Variants in EXOG observed in about 807,000 individuals in gnomAD.
EXOG encodes nuclease EXOG, mitochondrial.
A neutral mutation model predicts 25.8 loss-of-function variants in EXOG; 27 were observed. The observed-to-expected ratio is 1.05, with a 90% CI of 0.77 to 1.45. The LOEUF is 1.45. Ranked by LOEUF, EXOG falls within the 40% of genes most tolerant of loss-of-function variation. EXOG has a pLI of 0.00. For synonymous variants in EXOG, 133 were observed against 167.0 expected (o/e 0.80, Z 1.57); for missense variants, 458 against 450.5 (o/e 1.02, Z -0.15).
At chr3:38,512,095 C>G (rs984994472) in intron 5 of EXOG, among the ~76,000 whole-genome samples, 6 of 152,040 alleles carry the variant, frequency 3.9e-5, no homozygotes, top group African/African-American at 1.2e-4. Context: ...TAAGTCGATG[C>G]TTTTGAGTTC....
At chr3:38,510,290 G>A (rs1221461396) in intron 5 of EXOG, among the ~76,000 whole-genome samples, 1 of 152,154 alleles carries the variant, frequency 6.6e-6, no homozygotes, top group African/African-American at 2.4e-5. Flanking sequence ...CAAACAAAAT[G>A]TGTAGTATGA....
At chr3:38,504,479 G>A (rs1029437852) in intron 4 of EXOG, among the ~76,000 whole-genome samples, 6 of 151,788 alleles carry the variant, frequency 4.0e-5, no homozygotes, top group Admixed American at 6.6e-5. Context: ...ACTGTCGCCC[G>A]GGCTGGTGTG....
rs750967802 is a variant in EXOG, at chr3:38,497,582, GT to G, written c.164-39del. 3,894 of 1,486,994 alleles carry G rather than the reference GT, an allele frequency of 2.6e-3. 8 individuals carry two copies. The highest frequency in any genetic ancestry group is 3.1e-3 in the Non-Finnish European group (3,468 of 1,128,072). 92.1% of individuals were successfully genotyped at this position (1,486,994 alleles called of 1,614,324 possible). A position where few individuals can be genotyped will look rare whatever the true frequency, so the allele number is the denominator to read the frequency against. On this transcript the variant is annotated intron_variant, in intron 1 of 5. Coordinates refer to ENST00000287675, the MANE Select transcript of EXOG (RefSeq NM_005107.4). ...TAAGAGCCACTAATTGTGTGTGTGTGTTTTTTTTGTCTCTGCCCCCCCTTTT... is the reference window on the plus strand; with the variant it reads ...TAAGAGCCACTAATTGTGTGTGTGTGTTTTTTTGTCTCTGCCCCCCCTTTT...
At chr3:38,506,428 A>G (rs915838709) in intron 4 of EXOG, among the ~76,000 whole-genome samples, 3 of 152,228 alleles carry the variant, frequency 2.0e-5, no homozygotes, top group African/African-American at 2.4e-5. Context: ...AATTTATCCT[A>G]AGGAATTGAT....
In EXOG at chr3:38,525,175, A is replaced by C. The variant is rs976865043; in HGVS notation, c.*813A>C. 9 of 921,712 alleles carry C rather than the reference A, an allele frequency of 9.8e-6. No homozygotes were observed. Among genetic ancestry groups the C allele is most frequent in the Non-Finnish European group, 1.2e-5 (9 of 772,484 alleles). The allele number at this position is 921,712 out of a possible 1,614,324, so 57.1% of individuals were successfully genotyped here. ...CACAATGACTCTCTGAGGTAAATAC[A>C]CTATCCCCATTTTACCTGTGAGAAA... On this transcript the variant is annotated 3_prime_UTR_variant, in exon 6 of 6. Transcript: ENST00000287675.
intron 4 of EXOG, among the ~76,000 whole-genome samples, chr3:38,504,365 C>CAA (rs11452712): frequency 6.0e-5 from 9 of 149,582 alleles, no homozygotes; most frequent in Non-Finnish European, 7.4e-5. Context: ...GACCCTATCT[C>CAA]AAAAAAAAAA....
chr3:38,523,233 G>A (rs1429398541), intron 5 of EXOG: 10 of 1,288,794 alleles, frequency 7.8e-6, no homozygotes, highest in African/African-American at 1.5e-5. Context: ...CAGAAGTTCT[G>A]ATTATGAGAT....
intron 5 of EXOG, chr3:38,515,626 G>A (rs1026917611): frequency 1.2e-5 from 2 of 167,314 alleles, no homozygotes; most frequent in African/African-American, 2.4e-5. Context: ...GAACAGCTGC[G>A]CCCAGGGCTC....
chr3:38,515,457 G>T, intron 5 of EXOG: 2 of 162,000 alleles, frequency 1.2e-5, no homozygotes, highest in South Asian at 3.4e-4. Flanking sequence ...AAAAAGTTAT[G>T]ACCATCCCCT....
chr3:38,508,073 C>G (rs1575633180), intron 5 of EXOG, among the ~76,000 whole-genome samples: 1 of 151,974 alleles, frequency 6.6e-6, no homozygotes, highest in Non-Finnish European at 1.5e-5. Context: ...GGAGGTTGCA[C>G]TGAGCCGAGA....
intron 5 of EXOG, among the ~76,000 whole-genome samples, chr3:38,514,507 G>A (rs78645934): frequency 0.036 from 5,453 of 152,260 alleles, 356 homozygotes; most frequent in African/African-American, 0.12. Flanking sequence ...AGAAGATCCA[G>A]CGAAAGAGTC....
rs139206818 is a variant in EXOG at position 38,496,514 on chromosome 3, A to G, written c.147A>G (p.Thr49=). ...FRSQGAEGAL[T]GKQPDGSAEK... The stretch of plus-strand genomic sequence containing the variant: ...GTCAGGGCGCTGAGGGAGCGTTGAC[A>G]GGGAAGCAGCCGGATGGTAAGTCTG... Residue 49 remains threonine, a synonymous_variant, in exon 1 of 6, where the codon ACA becomes ACG. Coordinates refer to ENST00000287675, the MANE Select transcript of EXOG (RefSeq NM_005107.4). The G allele has an allele frequency of 1.6e-5, 26 of 1,612,386 alleles. No homozygotes were observed. In the African/African-American group the frequency reaches 2.3e-4, roughly 14 times the overall value.
Position 38,525,949 on chromosome 3 carries a change from A to C in EXOG, c.*1587A>C. On this transcript the variant is annotated 3_prime_UTR_variant, in exon 6 of 6. Coordinates refer to ENST00000287675, the MANE Select transcript of EXOG (RefSeq NM_005107.4). ...ACAGAGGGAGACCCTGTCTCAAAAA[A>C]AGAAAAGAAAAAAGAAAAAGGTCTG... 2.0e-6 allele frequency: 2 copies of C among 984,316 alleles called. No homozygotes were observed. 61.0% of individuals were successfully genotyped at this position (984,316 alleles called of 1,614,324 possible). A position where few individuals can be genotyped will look rare whatever the true frequency, so the allele number is the denominator to read the frequency against.
At chr3:38,521,520 A>C (rs1033266221) in intron 5 of EXOG, among the ~76,000 whole-genome samples, 1 of 152,242 alleles carries the variant, frequency 6.6e-6, no homozygotes, top group African/African-American at 2.4e-5. Context: ...CAAGGAGTCC[A>C]TGAGGAGAGA....
intron 1 of EXOG, chr3:38,496,987 C>A: frequency 9.4e-7 from 1 of 1,061,084 alleles, no homozygotes; most frequent in African/African-American, 1.7e-5. Flanking sequence ...GTTAACTGCC[C>A]TTCTTTCGTC....
At chr3:38,508,662 C>CT (rs2060273938) in intron 5 of EXOG, among the ~76,000 whole-genome samples, 1 of 150,446 alleles carries the variant, frequency 6.6e-6, no homozygotes, top group African/African-American at 2.5e-5. Context: ...TAAATGATTA[C>CT]TTAAGTCTGT....
At chr3:38,523,794 TG>T in intron 5 of EXOG, 106 bp from the exon 6 acceptor site, 1 of 692,182 alleles carries the variant, frequency 1.4e-6, no homozygotes, top group Non-Finnish European at 2.4e-6. Context: ...CAGAGTGGGA[TG>T]GCTTATAAGT....
intron 5 of EXOG, among the ~76,000 whole-genome samples, chr3:38,516,543 C>G (rs2060548795): frequency 2.0e-5 from 3 of 152,184 alleles, no homozygotes; most frequent in Admixed American, 2.0e-4. Flanking sequence ...GAGTTAGTTG[C>G]AGATATCTTG....
At position 38,525,856 on chromosome 3, in the gene EXOG, A is replaced by C. The variant is rs1467294046; in HGVS notation, c.*1494A>C. 1 of 478,762 alleles carries C rather than the reference A, an allele frequency of 2.1e-6. No homozygotes were observed. The highest frequency in any genetic ancestry group is 2.1e-5 in the African/African-American group (1 of 47,360). 29.7% of individuals were successfully genotyped at this position (478,762 alleles called of 1,614,324 possible). ...CTACTCGGGAGGCTGAAATGGGAGG[A>C]TTGCTTGAGCCTGGCAGGTCAAGGC... On this transcript the variant is annotated 3_prime_UTR_variant, in exon 6 of 6. Transcript: ENST00000287675.
Sources: gnomAD v4.1 joint callset for allele counts (sites outside exome capture counted in the v4.1 genomes callset) on GRCh38, gnomAD v4.1.1 for gene constraint, MANE v1.5 for transcripts, NCBI Gene and HGNC (gene_info 2026-07-23, HGNC 2026-07-21) for gene names.